The following PEX5L variants were observed in gnomAD, a reference collection of about 807,000 sequenced individuals.
The protein encoded by PEX5L is peroxisomal biogenesis factor 5 like.
A neutral mutation model predicts 84.0 loss-of-function variants in PEX5L; 30 were observed. The ratio of observed to expected loss-of-function variants is 0.36; its 90% confidence interval spans 0.27 to 0.48. The LOEUF (loss-of-function observed/expected upper bound fraction) is 0.48. Ranked by LOEUF, PEX5L falls within the 20% of genes least tolerant of loss-of-function variation. The pLI, the probability that PEX5L is intolerant of heterozygous loss-of-function variation, is 0.99. For synonymous variants in PEX5L, 270 were observed against 283.1 expected (o/e 0.95, Z 0.46); for missense variants, 533 against 754.6 (o/e 0.71, Z 3.44).
At chr3:179,876,686 T>A (rs962035806) in intron 5 of PEX5L, among the ~76,000 whole-genome samples, 2 of 152,138 alleles carry the variant, frequency 1.3e-5, no homozygotes, top group African/African-American at 4.8e-5. Context: ...AAATTTCTCA[T>A]CATTTCAAAC....
At position 180,025,003 on chromosome 3, in the gene PEX5L, T is replaced by C. The variant is rs903971383; in HGVS notation, c.21+11576A>G. ...CCATTAGAAGAATCTATTATATTTC[T>C]AAGTCTGCAGTCCTAAATTGTCCTC... On this transcript the variant is annotated intron_variant, in intron 1 of 14. Coordinates refer to ENST00000467460, the MANE Select transcript of PEX5L (RefSeq NM_016559.3). Among the ~76,000 whole-genome samples the C allele has an allele frequency of 2.6e-5, 4 of 152,162 alleles. No individual in the cohort carries two copies. In the East Asian group the frequency reaches 7.7e-4, roughly 29 times the overall value.
At chr3:179,954,074 G>A (rs914989062) in intron 2 of PEX5L, among the ~76,000 whole-genome samples, 2 of 152,034 alleles carry the variant, frequency 1.3e-5, no homozygotes, top group East Asian at 1.9e-4. Context: ...TGTGAGGCAT[G>A]GTTTCATCTG....
intron 2 of PEX5L, among the ~76,000 whole-genome samples, chr3:179,955,702 T>C (rs2110029072): frequency 6.6e-6 from 1 of 152,292 alleles, no homozygotes; most frequent in African/African-American, 2.4e-5. Context: ...GTACCATTAT[T>C]TCTTTAGAAC....
At chr3:179,892,218 A>AT (rs1400682105) in intron 3 of PEX5L, among the ~76,000 whole-genome samples, 2 of 152,020 alleles carry the variant, frequency 1.3e-5, no homozygotes, top group Non-Finnish European at 2.9e-5. Flanking sequence ...TTCATTTCTT[A>AT]TTCTCCCCTT....
At chr3:179,858,102 G>C (rs989680790) in intron 8 of PEX5L, among the ~76,000 whole-genome samples, 2 of 152,170 alleles carry the variant, frequency 1.3e-5, no homozygotes, top group Non-Finnish European at 2.9e-5. Flanking sequence ...CAGGTATAGA[G>C]GTACTGAAAG....
intron 4 of PEX5L, among the ~76,000 whole-genome samples, chr3:179,883,911 A>T (rs986550323): frequency 3.9e-5 from 6 of 152,232 alleles, no homozygotes; most frequent in Admixed American, 3.3e-4. Flanking sequence ...GATGCAAATA[A>T]ATATTTATCG....
chr3:179,860,969 G>A (rs76320976), intron 7 of PEX5L, among the ~76,000 whole-genome samples: 1 of 152,202 alleles, frequency 6.6e-6, no homozygotes, highest in Non-Finnish European at 1.5e-5. Context: ...TGCCCCTGGG[G>A]GGCCGTTGCA....
At chr3:179,881,574 T>C (rs908723287) in intron 4 of PEX5L, 1 of 152,250 alleles carries the variant, frequency 6.6e-6, no homozygotes, top group Non-Finnish European at 1.5e-5. Flanking sequence ...AGGCATACAA[T>C]AGGTACTCAA....
At chr3:179,920,777 A>G (rs1769079839) in intron 2 of PEX5L, among the ~76,000 whole-genome samples, 1 of 152,166 alleles carries the variant, frequency 6.6e-6, no homozygotes, top group Non-Finnish European at 1.5e-5. Context: ...CCATCATCTA[A>G]AAGACTCCTT....
intron 8 of PEX5L, among the ~76,000 whole-genome samples, chr3:179,842,399 A>T (rs11920773): frequency 6.6e-6 from 1 of 152,310 alleles, no homozygotes; most frequent in African/African-American, 2.4e-5. Flanking sequence ...CTCCAGAGCT[A>T]GTGTTAAGAG....
At chr3:179,861,398 G>T (rs968580885) in intron 7 of PEX5L, among the ~76,000 whole-genome samples, 1 of 152,202 alleles carries the variant, frequency 6.6e-6, no homozygotes, top group African/African-American at 2.4e-5. Flanking sequence ...TGCTAGCAAG[G>T]TCCTACTGCC....
chr3:179,927,745 G>A (rs1344214608), intron 2 of PEX5L, among the ~76,000 whole-genome samples: 4 of 151,836 alleles, frequency 2.6e-5, no homozygotes, highest in African/African-American at 9.7e-5. Flanking sequence ...CTTCACCATC[G>A]TTTGTGTAAC....
intron 1 of PEX5L, among the ~76,000 whole-genome samples, chr3:180,026,079 G>A (rs1391603186): frequency 6.7e-6 from 1 of 149,826 alleles, no homozygotes; most frequent in Non-Finnish European, 1.5e-5. Flanking sequence ...CTCTTCAAAT[G>A]TGAGGAATTA....
At chr3:179,840,184 T>TGTGTGTG (rs1553850525) in intron 8 of PEX5L, among the ~76,000 whole-genome samples, 6 of 29,258 alleles carry the variant, frequency 2.1e-4, no homozygotes, top group Admixed American at 1.3e-3. Flanking sequence ...TGTGTGTGTG[T>TGTGTGTG]TTTTTTTTTT....
At chr3:179,808,993 G>T (rs943115550) in intron 12 of PEX5L, among the ~76,000 whole-genome samples, 1 of 135,932 alleles carries the variant, frequency 7.4e-6, no homozygotes, top group Non-Finnish European at 1.5e-5. Context: ...AGAATGGCGT[G>T]AACCCGGGAG....
Position 179,808,329 on chromosome 3 carries a change from A to G in PEX5L, c.1461T>C (p.Ser487=), listed in dbSNP as rs1362959377. Residue 487 remains serine (S), a synonymous_variant, in exon 13 of 15, where the codon AGT becomes AGC. Transcript: ENST00000467460. ...CATCTATTGCTCTATTAAATTCTCC[A>G]CTCAGGTGGAACAGAACCCCTAGAC... ...QTGLGVLFHL[S]GEFNRAIDAF... 6.2e-7 allele frequency: 1 copy of G among 1,604,660 alleles called. No individual in the cohort carries two copies. The highest frequency in any genetic ancestry group is 1.1e-5 in the South Asian group (1 of 89,196).
At chr3:179,839,401 C>T (rs1325304231) in intron 8 of PEX5L, among the ~76,000 whole-genome samples, 1 of 152,176 alleles carries the variant, frequency 6.6e-6, no homozygotes, top group East Asian at 1.9e-4. Flanking sequence ...ACCCACTTCG[C>T]AGTCAGGCTT....
At chr3:179,908,920 C>T (rs1009722239) in intron 2 of PEX5L, among the ~76,000 whole-genome samples, 2 of 152,152 alleles carry the variant, frequency 1.3e-5, no homozygotes, top group Non-Finnish European at 1.5e-5. Context: ...GATGGCATTA[C>T]TGTCTACTTC....
chr3:179,883,903 T>C (rs1171236197), intron 4 of PEX5L, among the ~76,000 whole-genome samples: 3 of 152,232 alleles, frequency 2.0e-5, no homozygotes, highest in African/African-American at 7.2e-5. Context: ...ATAGTCATGA[T>C]GCAAATAAAT....
Sources: gnomAD v4.1 joint callset for allele counts (sites outside exome capture counted in the v4.1 genomes callset) on GRCh38, gnomAD v4.1.1 for gene constraint, MANE v1.5 for transcripts, NCBI Gene and HGNC (gene_info 2026-07-23, HGNC 2026-07-21) for gene names.